The following PBX3 variants were observed in gnomAD, a reference collection of about 807,000 sequenced individuals.
PBX3 encodes the protein PBX homeobox 3, also known as pre-B-cell leukemia transcription factor 3.
In PBX3, 14 loss-of-function variants were observed where a neutral mutation model predicts 48.5. The ratio of observed to expected loss-of-function variants is 0.29; its 90% CI spans 0.19 to 0.45. PBX3 has a LOEUF of 0.45. Ranked by LOEUF, PBX3 falls within the 20% of genes least tolerant of loss-of-function variation. The probability of loss-of-function intolerance (pLI) is 1.00; values close to 1 mark genes in which losing one functional copy is unlikely to be tolerated. For missense variants in PBX3, 386 were observed against 546.7 expected (o/e 0.71, Z 2.93); for synonymous variants, 210 against 200.3 (o/e 1.05, Z -0.41).
Position 125,965,925 on chromosome 9 carries a change from C to A in PBX3, c.*2C>A. ...GTGCACTCGGATACCTCTAACTAAT[C>A]TCTGGCCACACTTTTCCCTGAGCTA... On this transcript the variant is annotated 3_prime_UTR_variant, in exon 9 of 9. Transcript: ENST00000373489. 1 of 1,608,846 alleles carries A rather than the reference C, an allele frequency of 6.2e-7. No individual in the cohort carries two copies.
intron 5 of PBX3, chr9:125,949,588 T>C: frequency 8.0e-7 from 1 of 1,256,220 alleles, no homozygotes; most frequent in Non-Finnish European, 1.0e-6. Flanking sequence ...TTGATGAGAA[T>C]TAATTATATA....
At chr9:125,865,681 A>G in intron 2 of PBX3, among the ~76,000 whole-genome samples, 1 of 152,170 alleles carries the variant, frequency 6.6e-6, no homozygotes, top group South Asian at 2.1e-4. Context: ...AAGACCCCAA[A>G]GCTCCTTATA....
chr9:125,768,393 G>C (rs1229039294), intron 2 of PBX3, among the ~76,000 whole-genome samples: 1 of 152,018 alleles, frequency 6.6e-6, no homozygotes, highest in Non-Finnish European at 1.5e-5. Context: ...AATAAGTTTT[G>C]TTTATGCGGG....
rs941294686 is a variant in PBX3 at position 125,966,458 on chromosome 9, T to C, written c.*535T>C. 5 of 152,798 alleles carry C rather than the reference T, an allele frequency of 3.3e-5. No homozygotes were observed. The highest frequency in any genetic ancestry group is 1.2e-4 in the African/African-American group (5 of 41,466). 9.5% of individuals were successfully genotyped at this position (152,798 alleles called of 1,614,324 possible). ...CTTCCTCGTCACGTTTGTGTTCAGA[T>C]CTCTTATGTTATAATTAGATCAGAG... is the stretch of plus-strand genomic sequence containing the variant. On this transcript the variant is annotated 3_prime_UTR_variant, in exon 9 of 9. Coordinates refer to ENST00000373489, the MANE Select transcript of PBX3 (RefSeq NM_006195.6).
chr9:125,950,291 G>A (rs904814786), intron 5 of PBX3, among the ~76,000 whole-genome samples: 55 of 152,270 alleles, frequency 3.6e-4, no homozygotes, highest in African/African-American at 1.3e-3. Flanking sequence ...AACTGTAAGG[G>A]CGTCAGCACA....
At chr9:125,946,989 T>C (rs996503886) in intron 5 of PBX3, among the ~76,000 whole-genome samples, 2 of 152,168 alleles carry the variant, frequency 1.3e-5, no homozygotes, top group Non-Finnish European at 2.9e-5. Context: ...CACTGATTTC[T>C]TAACTGAAAC....
chr9:125,854,474 A>G (rs1839668900), intron 2 of PBX3, among the ~76,000 whole-genome samples: 1 of 152,040 alleles, frequency 6.6e-6, no homozygotes, highest in African/African-American at 2.4e-5. Context: ...AATCTATTGG[A>G]CACCCCCTGC....
intron 2 of PBX3, among the ~76,000 whole-genome samples, chr9:125,882,899 A>ATTTGAAAAGTTGTTGTT (rs1253381952): frequency 6.6e-6 from 1 of 152,226 alleles, no homozygotes; most frequent in African/African-American, 2.4e-5. Context: ...GAAATGATGT[A>ATTTGAAAAGTTGTTGTT]TTTGAAAAGT....
At chr9:125,888,662 G>A (rs184579774) in intron 2 of PBX3, among the ~76,000 whole-genome samples, 7 of 151,976 alleles carry the variant, frequency 4.6e-5, no homozygotes, top group South Asian at 2.1e-4. Context: ...TATAAAAACA[G>A]CATTAATGAA....
intron 2 of PBX3, among the ~76,000 whole-genome samples, chr9:125,898,404 A>AT (rs1383698733): frequency 1.0e-4 from 15 of 150,136 alleles, no homozygotes; most frequent in Non-Finnish European, 1.6e-4. Flanking sequence ...AATGAAATAC[A>AT]TTTTTTGTGT....
intron 8 of PBX3, among the ~76,000 whole-genome samples, chr9:125,965,534 T>G (rs576396520): frequency 2.6e-5 from 4 of 152,322 alleles, no homozygotes. Context: ...AGATTTCTTT[T>G]TGAGTCACTT....
chr9:125,813,594 A>G (rs145582163), intron 2 of PBX3, among the ~76,000 whole-genome samples: 6 of 152,294 alleles, frequency 3.9e-5, no homozygotes, highest in Admixed American at 3.3e-4. Flanking sequence ...CTTCTGGCCA[A>G]TGAGAGCCCT....
At chr9:125,831,193 T>G (rs959745619) in intron 2 of PBX3, among the ~76,000 whole-genome samples, 1 of 152,234 alleles carries the variant, frequency 6.6e-6, no homozygotes, top group African/African-American at 2.4e-5. Flanking sequence ...AAAGCTTGAT[T>G]AGATTCATCA....
chr9:125,848,683 A>G (rs73667097), intron 2 of PBX3, among the ~76,000 whole-genome samples: 5,936 of 152,094 alleles, frequency 0.039, 408 homozygotes, highest in African/African-American at 0.13. Flanking sequence ...AATTCGTTCA[A>G]AAAGGTTTAC....
At chr9:125,935,053 T>C (rs1232407432) in intron 4 of PBX3, among the ~76,000 whole-genome samples, 1 of 152,156 alleles carries the variant, frequency 6.6e-6, no homozygotes, top group Non-Finnish European at 1.5e-5. Flanking sequence ...CCTTCCAGAC[T>C]CATCTCACAC....
chr9:125,908,355 C>G (rs1211986596), intron 2 of PBX3, among the ~76,000 whole-genome samples: 1 of 151,858 alleles, frequency 6.6e-6, no homozygotes, highest in East Asian at 1.9e-4. Context: ...TCTTAACTGA[C>G]AAGACAGGAA....
At chr9:125,754,858 G>T (rs1836470248) in intron 2 of PBX3, among the ~76,000 whole-genome samples, 2 of 152,028 alleles carry the variant, frequency 1.3e-5, no homozygotes, top group Admixed American at 1.3e-4. Flanking sequence ...ATAGTAACAG[G>T]TTAGTATGAA....
intron 2 of PBX3, among the ~76,000 whole-genome samples, chr9:125,767,928 G>C (rs769779611): frequency 6.6e-6 from 1 of 152,108 alleles, no homozygotes; most frequent in Non-Finnish European, 1.5e-5. Context: ...CTAGCAATGA[G>C]ACTCAGGTGC....
Position 125,967,172 on chromosome 9 carries a change from G to T in PBX3, c.*1249G>T, listed in dbSNP as rs1189801663. 1.3e-5 allele frequency: 2 copies of T among 152,238 alleles called. No individual in the cohort carries two copies. Among genetic ancestry groups the T allele is most frequent in the Non-Finnish European group, 2.9e-5 (2 of 67,994 alleles). The allele number at this position is 152,238 out of a possible 1,614,324, so 9.4% of individuals were successfully genotyped here. Reference sequence around the variant, plus strand: ...CTGTATATTTCACCCTGTGTAATGGGGCCCCCTCTCCTTTCTCTCTTTTTG... The same window carrying T: ...CTGTATATTTCACCCTGTGTAATGGTGCCCCCTCTCCTTTCTCTCTTTTTG... On this transcript the variant is annotated 3_prime_UTR_variant, in exon 9 of 9. Coordinates refer to ENST00000373489, the MANE Select transcript of PBX3 (RefSeq NM_006195.6).
Sources: allele counts gnomAD v4.1 joint callset (sites outside exome capture counted in the v4.1 genomes callset), GRCh38; gene constraint gnomAD v4.1.1; transcripts MANE v1.5; gene names NCBI Gene and HGNC (gene_info 2026-07-23, HGNC 2026-07-21).